Variants in TUBB6 observed in about 807,000 individuals in gnomAD.
TUBB6 encodes the protein tubulin beta 6 class V.
TUBB6 carries 18 observed loss-of-function variants against 32.3 expected under a neutral mutation model. The observed-to-expected ratio is 0.56, with a 90% CI of 0.39 to 0.83. TUBB6 has a LOEUF of 0.83. TUBB6 is among the 40% of genes least tolerant of loss of function. The pLI is 0.00. For synonymous variants in TUBB6, 280 were observed against 265.8 expected (o/e 1.05, Z -0.52); for missense variants, 480 against 632.0 (o/e 0.76, Z 2.58).
At chr18:12,327,725 C>T (rs1907384103), downstream of TUBB6, among the ~76,000 whole-genome samples, 1 of 152,128 alleles carries the variant, frequency 6.6e-6, no homozygotes, top group Non-Finnish European at 1.5e-5. Context: ...CATCCAGGGC[C>T]CAGAGCTTAA....
At chr18:12,312,999 C>CAAAAAA (rs59962916) in intron 3 of TUBB6, among the ~76,000 whole-genome samples, 3,725 of 106,354 alleles carry the variant, frequency 0.035, 148 homozygotes, top group Admixed American at 0.072. Context: ...AATTCTATCT[C>CAAAAAA]AAAAAAAAAA....
intron 2 of TUBB6, among the ~76,000 whole-genome samples, chr18:12,310,108 C>T (rs930008242): frequency 1.3e-5 from 2 of 152,172 alleles, no homozygotes; most frequent in Admixed American, 6.5e-5. Flanking sequence ...CTGCCTCTTC[C>T]TGGAACCTCC....
At chr18:12,308,081 G>C (rs1304843967), upstream of TUBB6, 1 of 159,260 alleles carries the variant, frequency 6.3e-6, no homozygotes, top group Admixed American at 6.6e-5. Context: ...CTCCCGGCAA[G>C]GGTCCCCCGA....
chr18:12,329,620 T>C, downstream of TUBB6: 3 of 1,614,200 alleles, frequency 1.9e-6, no homozygotes, highest in Non-Finnish European at 2.5e-6. Context: ...CCGCTCCTTG[T>C]TCCAGTCCTT....
chr18:12,314,582 G>A (rs755136812), intron 3 of TUBB6, among the ~76,000 whole-genome samples: 1 of 152,124 alleles, frequency 6.6e-6, no homozygotes, highest in Admixed American at 6.5e-5. Flanking sequence ...TGCCTCCCTC[G>A]CAGGAGTCCT....
chr18:12,308,493 G>A (rs1906133609), intron 1 of TUBB6, 144 bp downstream of exon 1: 4 of 776,152 alleles, frequency 5.2e-6, no homozygotes, highest in Non-Finnish European at 7.4e-6. Flanking sequence ...GGGCCGCAGG[G>A]AGGGAGCGCC....
downstream of TUBB6, among the ~76,000 whole-genome samples, chr18:12,326,880 C>G (rs79475220): frequency 6.6e-6 from 1 of 152,104 alleles, no homozygotes; most frequent in Non-Finnish European, 1.5e-5. Flanking sequence ...ACAAACAGCC[C>G]CAAAAGGCCT....
At chr18:12,319,423 G>A (rs1300194192) in intron 3 of TUBB6, among the ~76,000 whole-genome samples, 1 of 152,008 alleles carries the variant, frequency 6.6e-6, no homozygotes, top group East Asian at 1.9e-4. Context: ...TGGGATTACA[G>A]GTGTGAGCCA....
chr18:12,325,277 T>A lies in TUBB6; in HGVS notation c.488T>A (p.Ile163Asn). 1 of 1,614,170 alleles carries A rather than the reference T, an allele frequency of 6.2e-7. No individual in the cohort carries two copies. The highest frequency in any genetic ancestry group is 1.1e-5 in the South Asian group (1 of 91,084). The stretch of plus-strand genomic sequence containing the variant: ...ATCCGTGAGGAGTTCCCGGACCGCA[T>A]CATGAACACCTTCAGCGTCATGCCC... ...SKIREEFPDR[I>N]MNTFSVMPSP... Residue 163 changes from isoleucine to asparagine, a missense_variant, in exon 4 of 4, where the codon ATC becomes AAC. By Grantham distance (149) the Ile-to-Asn change is moderately radical. Transcript: ENST00000317702.
At chr18:12,308,559 T>G in intron 1 of TUBB6, 128 bp from the exon 2 acceptor site, 2 of 792,348 alleles carry the variant, frequency 2.5e-6, no homozygotes, top group Non-Finnish European at 4.0e-6. Context: ...CCATCCCAAC[T>G]GGGAGCGGCT....
At chr18:12,311,741 T>G (rs1184801821) in intron 3 of TUBB6, among the ~76,000 whole-genome samples, 1 of 152,236 alleles carries the variant, frequency 6.6e-6, no homozygotes, top group Non-Finnish European at 1.5e-5. Context: ...CTTTTTTTCT[T>G]GCTTCTTCCA....
intron 3 of TUBB6, among the ~76,000 whole-genome samples, chr18:12,321,984 G>A (rs770968896): frequency 1.3e-5 from 2 of 152,106 alleles, no homozygotes; most frequent in African/African-American, 2.4e-5. Flanking sequence ...AAGTTAGGTC[G>A]TTTCCAATTC....
intron 3 of TUBB6, among the ~76,000 whole-genome samples, chr18:12,318,091 T>C (rs1419045496): frequency 1.3e-5 from 2 of 152,006 alleles, no homozygotes; most frequent in East Asian, 3.9e-4. Context: ...CTATTTTCAG[T>C]TGTTGGTTTC....
chr18:12,311,615 A>C (rs1021346955), intron 3 of TUBB6, among the ~76,000 whole-genome samples: 2 of 152,226 alleles, frequency 1.3e-5, no homozygotes, highest in African/African-American at 4.8e-5. Flanking sequence ...CAAAAAACAA[A>C]AAAACAAAAA....
chr18:12,327,199 C>T (rs1907367863), downstream of TUBB6, among the ~76,000 whole-genome samples: 1 of 152,206 alleles, frequency 6.6e-6, no homozygotes, highest in South Asian at 2.1e-4. Context: ...GCGTCATGTG[C>T]CAGTGCCAGC....
intron 3 of TUBB6, among the ~76,000 whole-genome samples, chr18:12,311,763 A>G (rs1906396951): frequency 1.3e-5 from 2 of 152,232 alleles, no homozygotes; most frequent in South Asian, 4.1e-4. Flanking sequence ...CTAAAAAATG[A>G]TAGTAAAACA....
At chr18:12,321,279 A>G (rs1019256961) in intron 3 of TUBB6, among the ~76,000 whole-genome samples, 6 of 152,206 alleles carry the variant, frequency 3.9e-5, no homozygotes, top group Non-Finnish European at 5.9e-5. Flanking sequence ...GAAGAATCAC[A>G]GAATTTGTTT....
chr18:12,327,769 C>T (rs960779153), downstream of TUBB6, among the ~76,000 whole-genome samples: 1 of 152,154 alleles, frequency 6.6e-6, no homozygotes, highest in Non-Finnish European at 1.5e-5. Flanking sequence ...TGGGTGTTGT[C>T]GGTGCTATCT....
At chr18:12,316,228 G>A (rs1906668408) in intron 3 of TUBB6, among the ~76,000 whole-genome samples, 1 of 152,256 alleles carries the variant, frequency 6.6e-6, no homozygotes, top group African/African-American at 2.4e-5. Flanking sequence ...GTGGTGAGAA[G>A]CTAGTTTCTC....
Sources: allele counts gnomAD v4.1 joint callset (sites outside exome capture counted in the v4.1 genomes callset), GRCh38; gene constraint gnomAD v4.1.1; transcripts MANE v1.5; gene names NCBI Gene and HGNC (gene_info 2026-07-23, HGNC 2026-07-21).